Variants in CCSER1 observed in about 807,000 individuals in gnomAD.
CCSER1 encodes serine-rich coiled-coil domain-containing protein 1.
Under a neutral mutation model 82.0 loss-of-function variants are expected in CCSER1, and 41 were observed. The observed-to-expected ratio is 0.50, with a 90% CI of 0.39 to 0.65. CCSER1 has a LOEUF of 0.65. CCSER1 is among the 30% of genes least tolerant of loss of function. The pLI is 0.00. For synonymous variants in CCSER1, 414 were observed against 383.9 expected, an observed-to-expected ratio of 1.08 and a Z score of -0.92; for missense variants, 1,119 against 1,064.2, an observed-to-expected ratio of 1.05 and a Z score of -0.72.
At chr4:90,771,444 T>A (rs62313022) in intron 7 of CCSER1, among the ~76,000 whole-genome samples, 8,568 of 151,592 alleles carry the variant, frequency 0.057, 356 homozygotes, top group Admixed American at 0.11. Context: ...TATACTTGAA[T>A]TGGTAGATAT....
intron 10 of CCSER1, among the ~76,000 whole-genome samples, chr4:91,539,112 A>T (rs372781845): frequency 6.6e-6 from 1 of 152,054 alleles, no homozygotes; most frequent in Non-Finnish European, 1.5e-5. Flanking sequence ...GTTAACTTTG[A>T]CATTTTCACT....
intron 10 of CCSER1, among the ~76,000 whole-genome samples, chr4:91,306,124 T>G (rs1360138649): frequency 6.6e-6 from 1 of 151,666 alleles, no homozygotes; most frequent in Non-Finnish European, 1.5e-5. Context: ...AACAGAAATT[T>G]TTTTCATGAA....
chr4:90,459,997 A>T (rs1037944231), intron 4 of CCSER1, among the ~76,000 whole-genome samples: 1 of 152,148 alleles, frequency 6.6e-6, no homozygotes, highest in African/African-American at 2.4e-5. Flanking sequence ...TGTAGAAAAA[A>T]ATTTCACAAC....
At chr4:91,350,633 CTT>C (rs34301068) in intron 10 of CCSER1, among the ~76,000 whole-genome samples, 2 of 151,942 alleles carry the variant, frequency 1.3e-5, no homozygotes, top group African/African-American at 4.8e-5. Context: ...ACTTTGAATA[CTT>C]TTGCAGTTTA....
At chr4:90,158,817 C>T (rs1728854229) in intron 1 of CCSER1, among the ~76,000 whole-genome samples, 1 of 152,078 alleles carries the variant, frequency 6.6e-6, no homozygotes, top group East Asian at 1.9e-4. Flanking sequence ...ACTCCCTGAC[C>T]CCTTGTGCTT....
intron 10 of CCSER1, among the ~76,000 whole-genome samples, chr4:91,576,846 A>T (rs1355200423): frequency 6.6e-6 from 1 of 152,012 alleles, no homozygotes; most frequent in African/African-American, 2.4e-5. Flanking sequence ...TTTTTGGATT[A>T]GGAATACTTA....
intron 1 of CCSER1, among the ~76,000 whole-genome samples, chr4:90,167,651 T>A (rs1484793449): frequency 1.5e-5 from 2 of 129,260 alleles, no homozygotes; most frequent in African/African-American, 5.7e-5. Flanking sequence ...CAGGCCCCGG[T>A]GTGTGATGTT....
intron 9 of CCSER1, among the ~76,000 whole-genome samples, chr4:91,059,455 T>TTATA (rs56706370): frequency 0.079 from 11,478 of 145,680 alleles, 575 homozygotes; most frequent in East Asian, 0.17. Flanking sequence ...TTTATTAAGG[T>TTATA]TATATATATA....
chr4:91,553,883 T>C (rs765073928), intron 10 of CCSER1, among the ~76,000 whole-genome samples: 59 of 151,104 alleles, frequency 3.9e-4, no homozygotes, highest in Non-Finnish European at 7.4e-4. Context: ...TTTTCTATTA[T>C]AATTCTTGTG....
At chr4:91,365,954 A>T (rs947841485) in intron 10 of CCSER1, among the ~76,000 whole-genome samples, 10 of 152,212 alleles carry the variant, frequency 6.6e-5, no homozygotes, top group African/African-American at 2.4e-4. Context: ...ATCTTTATGT[A>T]TGCATCACCT....
Position 91,359,796 on chromosome 4 carries a change from C to T in CCSER1, c.2218-238776C>T, listed in dbSNP as rs146373681. ...GCATAATTTCACGTCCAGCAGTAAT[C>T]GTTAACAAGAGCAGTTGTCATAGGA... is the stretch of plus-strand genomic sequence containing the variant. On this transcript the variant is annotated intron_variant, in intron 10 of 10. Coordinates refer to ENST00000509176, the MANE Select transcript of CCSER1 (RefSeq NM_001145065.2). Among the ~76,000 whole-genome samples the T allele has an allele frequency of 1.0e-3, 157 of 151,724 alleles. 1 individual carries two copies. The highest frequency in any genetic ancestry group is 3.3e-3 in the African/African-American group (137 of 41,454).
intron 10 of CCSER1, among the ~76,000 whole-genome samples, chr4:91,136,137 C>T (rs1728449823): frequency 3.3e-5 from 5 of 152,120 alleles, no homozygotes; most frequent in African/African-American, 9.7e-5. Context: ...ATCTGATGTC[C>T]CTGAACCTTC....
At chr4:90,994,898 C>CATA (rs1273318200) in intron 9 of CCSER1, among the ~76,000 whole-genome samples, 1 of 152,046 alleles carries the variant, frequency 6.6e-6, no homozygotes, top group African/African-American at 2.4e-5. Flanking sequence ...TGTGCATGAC[C>CATA]ATATATATTC....
At chr4:90,558,056 A>C (rs151145103) in intron 5 of CCSER1, among the ~76,000 whole-genome samples, 4 of 152,292 alleles carry the variant, frequency 2.6e-5, no homozygotes, top group African/African-American at 9.6e-5. Context: ...AACAAATAAA[A>C]TATGCAACTA....
At chr4:90,864,804 T>TCTA (rs1447406280) in intron 8 of CCSER1, among the ~76,000 whole-genome samples, 2 of 152,068 alleles carry the variant, frequency 1.3e-5, no homozygotes, top group Non-Finnish European at 2.9e-5. Context: ...TTGGGACTAG[T>TCTA]CTACTGCAAG....
chr4:90,368,075 A>C (rs1164349133), intron 3 of CCSER1, among the ~76,000 whole-genome samples: 1 of 151,956 alleles, frequency 6.6e-6, no homozygotes, highest in African/African-American at 2.4e-5. Context: ...CCCTCAGAAA[A>C]AATTATGAAG....
rs1471709537 is a variant in CCSER1 at position 91,591,509 on chromosome 4, CTCAA to C, written c.2218-7059_2218-7056del. Among the ~76,000 whole-genome samples the C allele has an allele frequency of 3.9e-5, 6 of 152,188 alleles. No individual in the cohort carries two copies. In the South Asian group the frequency reaches 1.0e-3, roughly 26 times the overall value. On this transcript the variant is annotated intron_variant, in intron 10 of 10. Coordinates refer to ENST00000509176, the MANE Select transcript of CCSER1 (RefSeq NM_001145065.2). The stretch of plus-strand genomic sequence containing the variant: ...TTTTCTGAAATAATAAAGTGATCTA[CTCAA>C]TCAGTCTCCAAGCAACTAGACCAGT...
chr4:91,305,783 G>A (rs372449031), intron 10 of CCSER1, among the ~76,000 whole-genome samples: 17 of 151,908 alleles, frequency 1.1e-4, no homozygotes, highest in East Asian at 7.8e-4. Flanking sequence ...CACATGACTG[G>A]GGAGGCCTCA....
At chr4:90,651,475 T>C (rs780940235) in intron 6 of CCSER1, among the ~76,000 whole-genome samples, 1 of 151,866 alleles carries the variant, frequency 6.6e-6, no homozygotes, top group Non-Finnish European at 1.5e-5. Flanking sequence ...CACTCATAAG[T>C]AGGAGTTGAA....
Sources: gnomAD v4.1 joint callset for allele counts (sites outside exome capture counted in the v4.1 genomes callset) on GRCh38, gnomAD v4.1.1 for gene constraint, MANE v1.5 for transcripts, NCBI Gene and HGNC (gene_info 2026-07-23, HGNC 2026-07-21) for gene names.